IQCK: variants seen among roughly 807,000 people sequenced by gnomAD.
The protein encoded by IQCK is IQ motif containing K.
IQCK carries 29 observed loss-of-function variants against 28.1 expected under a neutral mutation model. The observed-to-expected ratio is 1.03, with a 90% CI of 0.77 to 1.41. The LOEUF (loss-of-function observed/expected upper bound fraction) is 1.41, where lower values mean the gene tolerates loss of function less well. Ranked by LOEUF, IQCK falls within the 40% of genes most tolerant of loss-of-function variation. The probability of loss-of-function intolerance (pLI) is 0.00; values close to 1 mark genes in which losing one functional copy is unlikely to be tolerated. For missense variants in IQCK, 359 were observed against 314.7 expected (o/e 1.14, Z -1.07); for synonymous variants, 113 against 115.1 (o/e 0.98, Z 0.12).
chr16:19,852,644 A>G (rs1056544690), intron 9 of IQCK, among the ~76,000 whole-genome samples: 4 of 118,646 alleles, frequency 3.4e-5, no homozygotes, highest in Non-Finnish European at 3.3e-5. Flanking sequence ...TTTTTTTGAG[A>G]TGGAGTCTCG....
intron 6 of IQCK, among the ~76,000 whole-genome samples, chr16:19,769,201 A>G (rs1295036201): frequency 1.3e-5 from 2 of 152,226 alleles, no homozygotes; most frequent in Non-Finnish European, 2.9e-5. Context: ...TTGGAAGTCA[A>G]ATACCTCCAT....
chr16:19,738,886 G>A (rs1394301449), intron 4 of IQCK, among the ~76,000 whole-genome samples: 1 of 152,164 alleles, frequency 6.6e-6, no homozygotes, highest in African/African-American at 2.4e-5. Flanking sequence ...AGGAGGGTTT[G>A]TTTTATGGGT....
exon 10 of IQCK, chr16:19,857,484 G>A: frequency 2.3e-6 from 1 of 432,084 alleles, no homozygotes; most frequent in Non-Finnish European, 4.5e-6. Flanking sequence ...GGAAGATAAA[G>A]GTACATTATA....
intron 7 of IQCK, among the ~76,000 whole-genome samples, chr16:19,824,966 C>T (rs1727497558): frequency 6.6e-6 from 1 of 152,188 alleles, no homozygotes; most frequent in South Asian, 2.1e-4. Context: ...GTTTTCTGAC[C>T]TCTCCAAGGC....
At chr16:19,747,832 A>G (rs751498771) in intron 4 of IQCK, among the ~76,000 whole-genome samples, 1 of 152,116 alleles carries the variant, frequency 6.6e-6, no homozygotes, top group Non-Finnish European at 1.5e-5. Flanking sequence ...GTTCCCTTTT[A>G]TAGATTCCAA....
At chr16:19,842,512 C>G (rs937180172) in intron 9 of IQCK, among the ~76,000 whole-genome samples, 1 of 152,194 alleles carries the variant, frequency 6.6e-6, no homozygotes, top group Admixed American at 6.5e-5. Context: ...TGTACTTTAA[C>G]ATCTTCTGTA....
At chr16:19,832,681 C>G (rs551612995) in intron 9 of IQCK, among the ~76,000 whole-genome samples, 1 of 152,154 alleles carries the variant, frequency 6.6e-6, no homozygotes, top group Non-Finnish European at 1.5e-5. Context: ...CATTTTCACA[C>G]TGCTATAAAG....
intron 6 of IQCK, among the ~76,000 whole-genome samples, chr16:19,778,036 G>A (rs1434013087): frequency 6.6e-6 from 1 of 151,948 alleles, no homozygotes; most frequent in Non-Finnish European, 1.5e-5. Flanking sequence ...CCGGGTGACA[G>A]TGCAGGACTC....
chr16:19,775,032 C>T (rs1049730368), intron 6 of IQCK, among the ~76,000 whole-genome samples: 13 of 151,840 alleles, frequency 8.6e-5, no homozygotes, highest in African/African-American at 3.1e-4. Flanking sequence ...TCGAGACCAC[C>T]CTGGCCAACA....
chr16:19,764,519 A>G (rs1220367577), intron 6 of IQCK, among the ~76,000 whole-genome samples: 1 of 152,106 alleles, frequency 6.6e-6, no homozygotes, highest in Non-Finnish European at 1.5e-5. Context: ...AATAAAGAAC[A>G]TGACAGATAA....
intron 6 of IQCK, among the ~76,000 whole-genome samples, chr16:19,773,908 C>T (rs2055352405): frequency 6.6e-6 from 1 of 152,180 alleles, no homozygotes; most frequent in South Asian, 2.1e-4. Context: ...AGTGATGAAC[C>T]ATTCTAAGAT....
intron 4 of IQCK, among the ~76,000 whole-genome samples, chr16:19,753,725 G>C (rs2055016584): frequency 6.6e-6 from 1 of 152,032 alleles, no homozygotes; most frequent in Admixed American, 6.6e-5. Flanking sequence ...AGGCTTCAGG[G>C]TTGGTTTGAT....
At position 19,731,487 on chromosome 16, in the gene IQCK, T is replaced by C. The variant is rs73541469; in HGVS notation, c.246+993T>C. Among the ~76,000 whole-genome samples the C allele has an allele frequency of 2.7e-3, 417 of 152,372 alleles. 4 individuals carry two copies. The highest frequency in any genetic ancestry group is 9.8e-3 in the African/African-American group (409 of 41,594). On this transcript the variant is annotated intron_variant, in intron 2 of 7. Transcript: ENST00000564186. ...CTCCTAGCATCCTGTTCTTGCTTTA[T>C]GGACGCAATTCTTTCTCAAATTTCT...
chr16:19,722,031 A>G (rs1012983249), intron 1 of IQCK, among the ~76,000 whole-genome samples: 2 of 152,206 alleles, frequency 1.3e-5, no homozygotes, highest in African/African-American at 4.8e-5. Flanking sequence ...ACCGACATGG[A>G]TCAGTTGTGA....
At chr16:19,834,434 G>A (rs2056269862) in intron 9 of IQCK, among the ~76,000 whole-genome samples, 1 of 152,198 alleles carries the variant, frequency 6.6e-6, no homozygotes, top group Non-Finnish European at 1.5e-5. Context: ...CCCAGGCCAT[G>A]CTGTTCTGTA....
chr16:19,809,484 T>C (rs568004327), intron 7 of IQCK, among the ~76,000 whole-genome samples: 1 of 152,230 alleles, frequency 6.6e-6, no homozygotes, highest in Admixed American at 6.5e-5. Context: ...CATCCTCCAG[T>C]AAACCACATC....
chr16:19,767,490 A>G (rs374800211), intron 6 of IQCK, among the ~76,000 whole-genome samples: 1 of 151,962 alleles, frequency 6.6e-6, no homozygotes, highest in Non-Finnish European at 1.5e-5. Context: ...GCCCTGGCCA[A>G]ACTCAGCCTC....
intron 9 of IQCK, among the ~76,000 whole-genome samples, chr16:19,832,712 T>G (rs1440051020): frequency 6.6e-6 from 1 of 152,180 alleles, no homozygotes; most frequent in African/African-American, 2.4e-5. Context: ...ACTGGGTAAT[T>G]TATAAAGAAA....
At chr16:19,852,475 C>T (rs2056495291) in intron 9 of IQCK, among the ~76,000 whole-genome samples, 1 of 152,072 alleles carries the variant, frequency 6.6e-6, no homozygotes, top group African/African-American at 2.4e-5. Flanking sequence ...CCCCATGAAG[C>T]CACTTCTCTG....
Sources: allele counts gnomAD v4.1 joint callset (sites outside exome capture counted in the v4.1 genomes callset), GRCh38; gene constraint gnomAD v4.1.1; transcripts MANE v1.5; gene names NCBI Gene and HGNC (gene_info 2026-07-23, HGNC 2026-07-21).